NR2F1-AS1: variants seen among roughly 807,000 people sequenced by gnomAD.
The protein encoded by NR2F1-AS1 is NR2F1 antisense RNA 1.
intron 4 of NR2F1-AS1, among the ~76,000 whole-genome samples, chr5:93,445,478 C>T (rs1396051876): frequency 1.3e-5 from 2 of 151,882 alleles, no homozygotes; most frequent in East Asian, 1.9e-4. Flanking sequence ...ACACATACAC[C>T]CTCCCAAGAC....
At chr5:93,452,860 T>C (rs1235383104) in intron 4 of NR2F1-AS1, among the ~76,000 whole-genome samples, 1 of 151,596 alleles carries the variant, frequency 6.6e-6, no homozygotes, top group Non-Finnish European at 1.5e-5. Context: ...CCAAAAAAAG[T>C]CCCACACACC....
chr5:93,429,558 AG>A (rs1181264081), intron 4 of NR2F1-AS1, among the ~76,000 whole-genome samples: 2 of 152,220 alleles, frequency 1.3e-5, no homozygotes, highest in African/African-American at 4.8e-5. Context: ...TTCTATTGAA[AG>A]GGGACATTCT....
At chr5:93,444,731 A>G (rs1016767434) in intron 4 of NR2F1-AS1, among the ~76,000 whole-genome samples, 1 of 152,214 alleles carries the variant, frequency 6.6e-6, no homozygotes, top group Non-Finnish European at 1.5e-5. Context: ...CTCCACCCCA[A>G]ATCAACAGAA....
At chr5:93,498,506 A>C (rs1187402869) in intron 4 of NR2F1-AS1, among the ~76,000 whole-genome samples, 1 of 152,178 alleles carries the variant, frequency 6.6e-6, no homozygotes, top group Non-Finnish European at 1.5e-5. Context: ...TCTGAAAGCT[A>C]AACTATGACT....
intron 4 of NR2F1-AS1, among the ~76,000 whole-genome samples, chr5:93,522,009 A>G (rs1751510591): frequency 6.6e-6 from 1 of 152,202 alleles, no homozygotes; most frequent in African/African-American, 2.4e-5. Context: ...CATATATATC[A>G]TGGAATACTA....
At chr5:93,556,578 A>T (rs930044176) in intron 2 of NR2F1-AS1, among the ~76,000 whole-genome samples, 2 of 152,194 alleles carry the variant, frequency 1.3e-5, no homozygotes, top group African/African-American at 4.8e-5. Context: ...AGACAAAATC[A>T]TTAGGGTGGG....
At chr5:93,540,623 TAATTC>T (rs1751930544) in intron 4 of NR2F1-AS1, among the ~76,000 whole-genome samples, 1 of 152,190 alleles carries the variant, frequency 6.6e-6, no homozygotes, top group African/African-American at 2.4e-5. Flanking sequence ...TTTTGACACT[TAATTC>T]AAAAGTGACC....
chr5:93,462,825 TG>T (rs1440498630), intron 4 of NR2F1-AS1, among the ~76,000 whole-genome samples: 1 of 152,246 alleles, frequency 6.6e-6, no homozygotes, highest in African/African-American at 2.4e-5. Context: ...TTGAGGGGGA[TG>T]ATTTAGGGTA....
chr5:93,458,483 T>C (rs756885227), intron 4 of NR2F1-AS1, among the ~76,000 whole-genome samples: 3 of 152,172 alleles, frequency 2.0e-5, no homozygotes, highest in African/African-American at 7.2e-5. Context: ...CCACCTTTTA[T>C]AGTGTAAGAT....
chr5:93,440,993 C>A (rs1749556694), intron 4 of NR2F1-AS1, among the ~76,000 whole-genome samples: 1 of 152,140 alleles, frequency 6.6e-6, no homozygotes, highest in East Asian at 1.9e-4. Flanking sequence ...AAATACTAGA[C>A]CATTTATTAA....
intron 1 of NR2F1-AS1, among the ~76,000 whole-genome samples, chr5:93,563,900 A>G (rs1437258553): frequency 6.6e-6 from 1 of 151,848 alleles, no homozygotes; most frequent in Non-Finnish European, 1.5e-5. Flanking sequence ...CAGGAGTTTG[A>G]CACCAGCCTG....
intron 4 of NR2F1-AS1, among the ~76,000 whole-genome samples, chr5:93,521,413 G>A (rs781747276): frequency 2.6e-5 from 4 of 152,146 alleles, no homozygotes; most frequent in Non-Finnish European, 5.9e-5. Context: ...ACTATCAACA[G>A]AGCAAACAGA....
At chr5:93,455,161 C>G (rs1002207568) in intron 4 of NR2F1-AS1, among the ~76,000 whole-genome samples, 4 of 152,150 alleles carry the variant, frequency 2.6e-5, no homozygotes, top group African/African-American at 9.7e-5. Flanking sequence ...TGACAATCCC[C>G]ACACACAGTT....
intron 4 of NR2F1-AS1, among the ~76,000 whole-genome samples, chr5:93,484,133 C>T (rs994031074): frequency 6.6e-6 from 1 of 152,010 alleles, no homozygotes. Context: ...AAGAGCAACC[C>T]CAAGACACAT....
chr5:93,413,587 C>A (rs1381919277), intron 4 of NR2F1-AS1, among the ~76,000 whole-genome samples: 2 of 152,074 alleles, frequency 1.3e-5, no homozygotes, highest in Non-Finnish European at 2.9e-5. Context: ...GGTAGGAGGG[C>A]CAGGGCCCAG....
At chr5:93,570,093 TTAAGA>T (rs1752716066) in intron 1 of NR2F1-AS1, 1 of 152,196 alleles carries the variant, frequency 6.6e-6, no homozygotes, top group Non-Finnish European at 1.5e-5. Context: ...AGAAAAACTC[TTAAGA>T]TAACAGTCTC....
chr5:93,444,417 A>C (rs1580229052), intron 4 of NR2F1-AS1, among the ~76,000 whole-genome samples: 2 of 152,354 alleles, frequency 1.3e-5, no homozygotes, highest in East Asian at 3.9e-4. Flanking sequence ...CTGATCAAAC[A>C]GACTTTAAAC....
At chr5:93,413,862 C>T (rs1220842049) in intron 4 of NR2F1-AS1, among the ~76,000 whole-genome samples, 1 of 152,116 alleles carries the variant, frequency 6.6e-6, no homozygotes, top group Non-Finnish European at 1.5e-5. Flanking sequence ...TCATTCAAAA[C>T]CTTAATTTTA....
intron 4 of NR2F1-AS1, among the ~76,000 whole-genome samples, chr5:93,518,477 T>C (rs1751440835): frequency 6.6e-6 from 1 of 152,118 alleles, no homozygotes; most frequent in South Asian, 2.1e-4. Flanking sequence ...ATCCCCATTT[T>C]ACAGATAAGA....
Sources: allele counts gnomAD v4.1 joint callset (sites outside exome capture counted in the v4.1 genomes callset), GRCh38; gene constraint gnomAD v4.1.1; transcripts MANE v1.5; gene names NCBI Gene and HGNC (gene_info 2026-07-23, HGNC 2026-07-21).